SPOUT1: variants seen among roughly 807,000 people sequenced by gnomAD.
SPOUT1 encodes the protein SPOUT domain containing methyltransferase 1, also known as 28S rRNA (uridine-N(3))-methyltransferase.
A neutral mutation model predicts 54.8 loss-of-function variants in SPOUT1; 40 were observed. That is an observed-to-expected ratio of 0.73 (90% confidence interval 0.57 to 0.95). The LOEUF (loss-of-function observed/expected upper bound fraction) is 0.95, where lower values mean the gene tolerates loss of function less well. Ranked by LOEUF, SPOUT1 falls within the 40% of genes least tolerant of loss-of-function variation. SPOUT1 has a pLI of 0.00. For missense variants in SPOUT1, 437 were observed against 499.5 expected (o/e 0.87, Z 1.19); for synonymous variants, 193 against 200.3 (o/e 0.96, Z 0.31).
rs1424700704 is a variant in SPOUT1 at position 128,820,505 on chromosome 9, G to A, written c.*2260C>T. Reference sequence around the variant, plus strand: ...GGCTCTTCCTTCATTCGACTCTTGGGAGCTGAGAAAAGACTTTGACACCTG... The same window carrying A: ...GGCTCTTCCTTCATTCGACTCTTGGAAGCTGAGAAAAGACTTTGACACCTG... On this transcript the variant is annotated 3_prime_UTR_variant, in exon 12 of 12. Coordinates refer to ENST00000361256, the MANE Select transcript of SPOUT1 (RefSeq NM_016390.4). 5 of 535,668 alleles carry A rather than the reference G, an allele frequency of 9.3e-6. No individual in the cohort carries two copies. Among genetic ancestry groups the A allele is most frequent in the South Asian group, 2.5e-5 (1 of 40,540 alleles). 33.2% of individuals were successfully genotyped at this position (535,668 alleles called of 1,614,324 possible). A position where few individuals can be genotyped will look rare whatever the true frequency, so the allele number is the denominator to read the frequency against.
intron 9 of SPOUT1, 117 bp downstream of exon 9, chr9:128,824,654 G>A: frequency 2.8e-6 from 2 of 711,050 alleles, no homozygotes; most frequent in Non-Finnish European, 5.1e-6. Context: ...ACTTGCCCAA[G>A]GACACACAGC....
Position 128,825,000 on chromosome 9 carries a change from C to A in SPOUT1, c.689G>T (p.Arg230Leu). The A allele has an allele frequency of 6.3e-7, 1 of 1,591,346 alleles. No homozygotes were observed. The highest frequency in any genetic ancestry group is 1.3e-5 in the African/African-American group (1 of 74,648). The change falls in exon 8 of 12, where the codon CGA (arginine) becomes CTA (leucine). Residue 230 changes from arginine (R) to leucine (L), a missense_variant. Arg to Leu is a moderately radical substitution (Grantham distance 102, BLOSUM62 -2). Coordinates refer to ENST00000361256, the MANE Select transcript of SPOUT1 (RefSeq NM_016390.4). The stretch of plus-strand genomic sequence containing the variant: ...ACCTGGGTGCTGCTGCTGGTTCAGT[C>A]GCACAGTCACCCGAAGCCCGGGCTC... ...NLEPGLRVTVRLNQQQHPDCK... is the reference protein window; with the variant it reads ...NLEPGLRVTVLLNQQQHPDCK...
chr9:128,824,483 AC>A (rs1228079201), intron 9 of SPOUT1, among the ~76,000 whole-genome samples: 2 of 152,130 alleles, frequency 1.3e-5, no homozygotes, highest in African/African-American at 4.8e-5. Context: ...AGGAAGAGGC[AC>A]CAAGAACATG....
At position 128,821,291 on chromosome 9, in the gene SPOUT1, G is replaced by A. The variant is rs1830111237; in HGVS notation, c.*1474C>T. ...CACCTTCCCTCTGCAGGTCCGAGGT[G>A]CACCGAGCTCTCCCGCCTTCCCCAT... On this transcript the variant is annotated 3_prime_UTR_variant, in exon 12 of 12. Coordinates refer to ENST00000361256, the MANE Select transcript of SPOUT1 (RefSeq NM_016390.4). The A allele has an allele frequency of 5.1e-6, 1 of 194,358 alleles. No individual in the cohort carries two copies. The allele number at this position is 194,358 out of a possible 1,614,324, so 12.0% of individuals were successfully genotyped here.
rs1282353138 is a variant in SPOUT1, at chr9:128,825,955, A to G, written c.639+67T>C. The G allele has an allele frequency of 1.2e-5, 19 of 1,605,724 alleles. 1 individual carries two copies. In the South Asian group the frequency reaches 1.7e-4, roughly 14 times the overall value. On this transcript the variant is annotated intron_variant, in intron 7 of 11. Coordinates refer to ENST00000361256, the MANE Select transcript of SPOUT1 (RefSeq NM_016390.4). Reference sequence around the variant, plus strand: ...AGGTCCAGGGCTCTCCGCAACATCCATCTGCTTGCCCTCCATTGCCAGGGT... The same window carrying G: ...AGGTCCAGGGCTCTCCGCAACATCCGTCTGCTTGCCCTCCATTGCCAGGGT...
At chr9:128,829,254 C>T in intron 1 of SPOUT1, 99 bp from the exon 2 acceptor site, 2 of 1,070,148 alleles carry the variant, frequency 1.9e-6, no homozygotes, top group Non-Finnish European at 2.9e-6. Context: ...CCACACGGGG[C>T]GGCAAGGAAG....
At chr9:128,829,678 C>G (rs1830314212) in intron 1 of SPOUT1, 67 bp downstream of exon 1, 1 of 1,273,778 alleles carries the variant, frequency 7.9e-7, no homozygotes, top group Non-Finnish European at 1.1e-6. Context: ...CGGCGAAGGC[C>G]CCCACGCCAC....
chr9:128,820,607 G>T lies in SPOUT1; in HGVS notation c.*2158C>A. ...TCAGGGAGTGACTTTCATTCCTTGAGCCTCAGTTTCCCCCCGCTTGTCTCA... is the reference window on the plus strand; with the variant it reads ...TCAGGGAGTGACTTTCATTCCTTGATCCTCAGTTTCCCCCCGCTTGTCTCA... On this transcript the variant is annotated 3_prime_UTR_variant, in exon 12 of 12. Coordinates refer to ENST00000361256, the MANE Select transcript of SPOUT1 (RefSeq NM_016390.4). 1.4e-6 allele frequency: 1 copy of T among 725,546 alleles called. No individual in the cohort carries two copies. The highest frequency in any genetic ancestry group is 2.3e-6 in the Non-Finnish European group (1 of 426,528). 44.9% of individuals were successfully genotyped at this position (725,546 alleles called of 1,614,324 possible). A position where few individuals can be genotyped will look rare whatever the true frequency, so the allele number is the denominator to read the frequency against.
intron 9 of SPOUT1, 127 bp from the exon 10 acceptor site, chr9:128,824,301 CGTGTGT>C (rs1035852163): frequency 1.6e-4 from 76 of 461,884 alleles, no homozygotes; most frequent in Non-Finnish European, 2.8e-4. Context: ...TGTGTGTGTG[CGTGTGT>C]GTACTAAGGT....
intron 1 of SPOUT1, 85 bp from the exon 2 acceptor site, chr9:128,829,240 C>G (rs1197992762): frequency 4.3e-6 from 5 of 1,170,084 alleles, no homozygotes; most frequent in Admixed American, 3.4e-5. Context: ...CATAGCCAGC[C>G]CCTCCACACG....
chr9:128,822,873 C>T, intron 11 of SPOUT1, 40 bp from the exon 12 acceptor site: 2 of 1,466,988 alleles, frequency 1.4e-6, no homozygotes. Context: ...GCCTGGGGGG[C>T]TAGCGGGTGC....
chr9:128,827,822 T>C (rs1206824271), intron 3 of SPOUT1, among the ~76,000 whole-genome samples: 3 of 152,090 alleles, frequency 2.0e-5, no homozygotes, highest in East Asian at 3.9e-4. Context: ...CTCCGGAGGC[T>C]GGGGCAGGAG....
At position 128,827,158 on chromosome 9, in the gene SPOUT1, C is replaced by G; in HGVS notation, c.242G>C (p.Gly81Ala). Residue 81 changes from glycine to alanine, a missense_variant, in exon 4 of 12, where the codon GGC becomes GCC. Transcript: ENST00000361256. The part of the protein sequence containing the change: ...RPYTLSVALP[G>A]SILDNAQSPE... ...CGACTGAGCATTGTCCAGGATGGAG[C>G]CCGGCAGGGCTACGCTCAGTGTGTA... 1 of 1,613,706 alleles carries G rather than the reference C, an allele frequency of 6.2e-7. No homozygotes were observed. Among genetic ancestry groups the G allele is most frequent in the Non-Finnish European group, 8.5e-7 (1 of 1,180,000 alleles).
At position 128,829,742 on chromosome 9, in the gene SPOUT1, T is replaced by G; in HGVS notation, c.36+3A>C. ...TGCACGGGGTCCCGCCGCCCGCACTTACCGGGCCGCACGGCCGCTTCCTGC... is the reference window on the plus strand; with the variant it reads ...TGCACGGGGTCCCGCCGCCCGCACTGACCGGGCCGCACGGCCGCTTCCTGC... On this transcript the variant is annotated splice_donor_region_variant and intron_variant, in intron 1 of 11. Transcript: ENST00000361256. 6.2e-7 allele frequency: 1 copy of G among 1,600,040 alleles called. No individual in the cohort carries two copies.
Position 128,822,129 on chromosome 9 carries a change from A to G in SPOUT1, c.*636T>C. On this transcript the variant is annotated 3_prime_UTR_variant, in exon 12 of 12. Transcript: ENST00000361256. ...CTGACCCAGTGTTGGGCATAAGGAA[A>G]ACAGAGGGAAAGAGTTAACCACCCT... 1.6e-6 allele frequency: 1 copy of G among 631,476 alleles called. No individual in the cohort carries two copies. The highest frequency in any genetic ancestry group is 2.7e-6 in the Non-Finnish European group (1 of 367,368). 39.1% of individuals were successfully genotyped at this position (631,476 alleles called of 1,614,324 possible).
At position 128,821,345 on chromosome 9, in the gene SPOUT1, G is replaced by A. The variant is rs574249761; in HGVS notation, c.*1420C>T. The A allele has an allele frequency of 5.2e-4, 89 of 169,804 alleles. No homozygotes were observed. Among genetic ancestry groups the A allele is most frequent in the Non-Finnish European group, 9.6e-4 (78 of 81,032 alleles). The allele number at this position is 169,804 out of a possible 1,614,324, so 10.5% of individuals were successfully genotyped here. A position where few individuals can be genotyped will look rare whatever the true frequency, so the allele number is the denominator to read the frequency against. ...GGTCCCCAGTGCACCGAGCTCTCAC[G>A]CCTTCCCCATGCAGGTCCCCAGTGC... On this transcript the variant is annotated 3_prime_UTR_variant, in exon 12 of 12. Coordinates refer to ENST00000361256, the MANE Select transcript of SPOUT1 (RefSeq NM_016390.4).
Position 128,828,782 on chromosome 9 carries a change from G to A in SPOUT1, c.161C>T (p.Ala54Val). The change falls in exon 3 of 12, where the codon GCA (alanine) becomes GTA (valine). Residue 54 changes from alanine to valine, a missense_variant. Physicochemically the swap from Ala to Val is moderately conservative, Grantham distance 64. Transcript: ENST00000361256. ...LERQRAQEEQAKRLEEEEAAA... is the reference protein window; with the variant it reads ...LERQRAQEEQVKRLEEEEAAA... ...TGCCTCCTCCTCTTCCAGGCGCTTTGCCTGTTCCTCCTGTGCCCGCTGCCG... is the reference window on the plus strand; with the variant it reads ...TGCCTCCTCCTCTTCCAGGCGCTTTACCTGTTCCTCCTGTGCCCGCTGCCG... The A allele has an allele frequency of 7.4e-6, 12 of 1,614,076 alleles. No homozygotes were observed. Among genetic ancestry groups the A allele is most frequent in the Non-Finnish European group, 1.0e-5 (12 of 1,180,000 alleles).
rs2977990 is a variant in SPOUT1 at position 128,827,241 on chromosome 9, T to C, written c.209-50A>G. 1,672 of 1,532,976 alleles carry C rather than the reference T, an allele frequency of 1.1e-3. 5 individuals carry two copies. Among genetic ancestry groups the C allele is most frequent in the African/African-American group, 0.01 (771 of 73,500 alleles). 95.0% of individuals were successfully genotyped at this position (1,532,976 alleles called of 1,614,324 possible). On this transcript the variant is annotated intron_variant, in intron 3 of 11. Coordinates refer to ENST00000361256, the MANE Select transcript of SPOUT1 (RefSeq NM_016390.4). ...GCCAGTGTGAGAGGCAAGGGCCCCC[T>C]ACCTTTCTCTCCCTTCCTCTGTCCC...
Position 128,822,187 on chromosome 9 carries a change from C to A in SPOUT1, c.*578G>T. ...GTTCCAGCCTCAAGGAGGAGCCAGGCAGGCTACAGAAGTCTCACAGTGAGG... is the reference window on the plus strand; with the variant it reads ...GTTCCAGCCTCAAGGAGGAGCCAGGAAGGCTACAGAAGTCTCACAGTGAGG... On this transcript the variant is annotated 3_prime_UTR_variant, in exon 12 of 12. Coordinates refer to ENST00000361256, the MANE Select transcript of SPOUT1 (RefSeq NM_016390.4). 1 of 968,528 alleles carries A rather than the reference C, an allele frequency of 1.0e-6. No homozygotes were observed. Among genetic ancestry groups the A allele is most frequent in the South Asian group, 1.7e-5 (1 of 58,924 alleles). 60.0% of individuals were successfully genotyped at this position (968,528 alleles called of 1,614,324 possible).
Sources: gnomAD v4.1 joint callset for allele counts (sites outside exome capture counted in the v4.1 genomes callset) on GRCh38, gnomAD v4.1.1 for gene constraint, MANE v1.5 for transcripts, NCBI Gene and HGNC (gene_info 2026-07-23, HGNC 2026-07-21) for gene names.